CDK14: variants seen among roughly 807,000 people sequenced by gnomAD.
CDK14 encodes cyclin dependent kinase 14.
CDK14 carries 34 observed loss-of-function variants against 60.7 expected under a neutral mutation model. The ratio of observed to expected loss-of-function variants is 0.56; its 90% CI spans 0.43 to 0.75. CDK14 has a LOEUF of 0.75. Ranked by LOEUF, CDK14 falls within the 30% of genes least tolerant of loss-of-function variation. The pLI, the probability that CDK14 is intolerant of heterozygous loss-of-function variation, is 0.00. For missense variants in CDK14, 482 were observed against 564.1 expected (o/e 0.85, Z 1.47); for synonymous variants, 197 against 203.7 (o/e 0.97, Z 0.28).
intron 12 of CDK14, among the ~76,000 whole-genome samples, chr7:91,112,317 A>G (rs1278803632): frequency 6.6e-6 from 1 of 152,130 alleles, no homozygotes; most frequent in Non-Finnish European, 1.5e-5. Context: ...TGCCTATAGT[A>G]GAAATATTTT....
intron 2 of CDK14, among the ~76,000 whole-genome samples, chr7:90,607,979 G>T (rs1235282918): frequency 2.6e-5 from 4 of 152,112 alleles, no homozygotes; most frequent in Admixed American, 6.5e-5. Context: ...ACAGTGAAGG[G>T]GCTACATAAT....
chr7:90,736,350 G>GTTTT (rs869290471), intron 3 of CDK14, among the ~76,000 whole-genome samples: 13 of 50,246 alleles, frequency 2.6e-4, no homozygotes, highest in African/African-American at 8.8e-4. Context: ...TTATGTTTTT[G>GTTTT]TTTTTTTTTT....
intron 2 of CDK14, among the ~76,000 whole-genome samples, chr7:90,678,554 C>T (rs910072247): frequency 2.6e-5 from 4 of 152,188 alleles, no homozygotes; most frequent in Admixed American, 1.3e-4. Context: ...ATGAATTCCT[C>T]CTTTAAATGT....
At chr7:90,791,395 AT>A (rs1218539670) in intron 5 of CDK14, among the ~76,000 whole-genome samples, 3 of 152,162 alleles carry the variant, frequency 2.0e-5, no homozygotes, top group Non-Finnish European at 4.4e-5. Flanking sequence ...AAAAGTGCAG[AT>A]TATCTTGACA....
chr7:91,134,724 A>G (rs543657328), intron 14 of CDK14, among the ~76,000 whole-genome samples: 3 of 152,028 alleles, frequency 2.0e-5, no homozygotes, highest in Admixed American at 6.6e-5. Context: ...AAATATATAC[A>G]TTAGCTGGGC....
At chr7:90,730,230 C>T (rs1337287558) in intron 3 of CDK14, among the ~76,000 whole-genome samples, 1 of 152,092 alleles carries the variant, frequency 6.6e-6, no homozygotes, top group Non-Finnish European at 1.5e-5. Context: ...GTATATGTGC[C>T]ACATTTTCTT....
chr7:91,050,661 TG>T (rs1797366113), intron 11 of CDK14, among the ~76,000 whole-genome samples: 1 of 152,198 alleles, frequency 6.6e-6, no homozygotes, highest in Admixed American at 6.5e-5. Flanking sequence ...AAGTCTCATT[TG>T]TGTTGCTATA....
rs1488762959 is a variant in CDK14, at chr7:91,208,178, AT to A, written c.*1044del. On this transcript the variant is annotated 3_prime_UTR_variant, in exon 15 of 15. Coordinates refer to ENST00000380050, the MANE Select transcript of CDK14 (RefSeq NM_001287135.2). Reference sequence around the variant, plus strand: ...CATTTTAAAAAAACATTCCAAGCCAATTGGAAGACATCATTGGGTTCTTACT... The same window carrying A: ...CATTTTAAAAAAACATTCCAAGCCAATGGAAGACATCATTGGGTTCTTACT... The A allele has an allele frequency of 2.6e-5, 4 of 152,674 alleles. No homozygotes were observed. Among genetic ancestry groups the A allele is most frequent in the East Asian group, 3.8e-4 (2 of 5,202 alleles). The allele number at this position is 152,674 out of a possible 1,614,324, so 9.5% of individuals were successfully genotyped here. A position where few individuals can be genotyped will look rare whatever the true frequency, so the allele number is the denominator to read the frequency against.
chr7:90,675,808 C>A (rs1055802217), intron 2 of CDK14, among the ~76,000 whole-genome samples: 1 of 152,190 alleles, frequency 6.6e-6, no homozygotes, highest in Non-Finnish European at 1.5e-5. Flanking sequence ...TAAAATCTTG[C>A]TTCTGCTTAT....
At chr7:90,700,810 C>T (rs922525686) in intron 2 of CDK14, among the ~76,000 whole-genome samples, 1 of 152,150 alleles carries the variant, frequency 6.6e-6, no homozygotes, top group Non-Finnish European at 1.5e-5. Flanking sequence ...GTATTTTTCT[C>T]TTACCTTTTC....
At chr7:91,022,676 A>G (rs1796462010) in intron 10 of CDK14, among the ~76,000 whole-genome samples, 1 of 152,246 alleles carries the variant, frequency 6.6e-6, no homozygotes, top group Non-Finnish European at 1.5e-5. Context: ...AATTTCATGT[A>G]AATGCAGTTA....
chr7:90,635,495 C>T (rs1234118461), intron 2 of CDK14, among the ~76,000 whole-genome samples: 1 of 152,228 alleles, frequency 6.6e-6, no homozygotes, highest in Admixed American at 6.5e-5. Flanking sequence ...TGATCTATAT[C>T]TCTGTTTTGG....
chr7:90,733,267 A>G (rs908091233), intron 3 of CDK14, among the ~76,000 whole-genome samples: 9 of 152,004 alleles, frequency 5.9e-5, no homozygotes, highest in African/African-American at 9.7e-5. Context: ...TATGTGGTCA[A>G]TTTTAGTGTA....
chr7:90,640,321 T>C (rs1800294577), intron 2 of CDK14, among the ~76,000 whole-genome samples: 1 of 152,168 alleles, frequency 6.6e-6, no homozygotes, highest in South Asian at 2.1e-4. Context: ...TTTTGTTTAA[T>C]ATTAATAATG....
chr7:91,122,601 GC>G (rs1799814188), intron 14 of CDK14, among the ~76,000 whole-genome samples: 1 of 152,100 alleles, frequency 6.6e-6, no homozygotes, highest in South Asian at 2.1e-4. Flanking sequence ...TGACATTATG[GC>G]GGCTCACTTT....
intron 6 of CDK14, among the ~76,000 whole-genome samples, chr7:90,865,457 C>T (rs1458342031): frequency 6.6e-6 from 1 of 152,072 alleles, no homozygotes; most frequent in East Asian, 1.9e-4. Flanking sequence ...TCTTACATAC[C>T]TTAATGGATG....
At chr7:91,087,396 C>A (rs1798670779) in intron 12 of CDK14, among the ~76,000 whole-genome samples, 1 of 152,076 alleles carries the variant, frequency 6.6e-6, no homozygotes, top group South Asian at 2.1e-4. Flanking sequence ...TAATTATTGA[C>A]ACAAATAGCA....
chr7:91,130,906 G>A (rs886337593), intron 14 of CDK14, among the ~76,000 whole-genome samples: 2 of 152,078 alleles, frequency 1.3e-5, no homozygotes, highest in African/African-American at 4.8e-5. Flanking sequence ...AAGGCTTTCA[G>A]ATAGCTCCTA....
At chr7:90,922,076 T>C (rs1793269212) in intron 8 of CDK14, among the ~76,000 whole-genome samples, 1 of 152,198 alleles carries the variant, frequency 6.6e-6, no homozygotes, top group African/African-American at 2.4e-5. Flanking sequence ...AGCCTCTGGA[T>C]AAAAGCTTGT....
Sources: gnomAD v4.1 joint callset for allele counts (sites outside exome capture counted in the v4.1 genomes callset) on GRCh38, gnomAD v4.1.1 for gene constraint, MANE v1.5 for transcripts, NCBI Gene and HGNC (gene_info 2026-07-23, HGNC 2026-07-21) for gene names.